The following NOS1AP variants were observed in gnomAD, a reference collection of about 807,000 sequenced individuals.
NOS1AP encodes the protein nitric oxide synthase 1 adaptor protein, also known as carboxyl-terminal PDZ ligand of neuronal nitric oxide synthase protein.
NOS1AP carries 21 observed loss-of-function variants against 56.2 expected under a neutral mutation model. The observed-to-expected ratio is 0.37, with a 90% CI of 0.26 to 0.54. The LOEUF is 0.54. NOS1AP is among the 20% of genes least tolerant of loss of function. NOS1AP has a pLI of 0.84. For missense variants in NOS1AP, 522 were observed against 657.8 expected (o/e 0.79, Z 2.26); for synonymous variants, 270 against 274.6 (o/e 0.98, Z 0.17).
At chr1:162,113,043 G>C (rs1305936229) in intron 1 of NOS1AP, among the ~76,000 whole-genome samples, 1 of 152,152 alleles carries the variant, frequency 6.6e-6, no homozygotes, top group African/African-American at 2.4e-5. Context: ...TCTCTGAATA[G>C]GTATATTAGG....
chr1:162,249,261 C>A (rs931272921), intron 2 of NOS1AP, among the ~76,000 whole-genome samples: 3 of 152,122 alleles, frequency 2.0e-5, no homozygotes, highest in Non-Finnish European at 4.4e-5. Flanking sequence ...GCACCAGATA[C>A]CCTGCAGATT....
At chr1:162,130,218 T>C (rs1056389666) in intron 1 of NOS1AP, among the ~76,000 whole-genome samples, 2 of 152,232 alleles carry the variant, frequency 1.3e-5, no homozygotes, top group Non-Finnish European at 2.9e-5. Context: ...TTGCATCTTC[T>C]TCATTTTGCA....
intron 2 of NOS1AP, among the ~76,000 whole-genome samples, chr1:162,236,468 A>G (rs551512579): frequency 6.6e-6 from 1 of 152,352 alleles, no homozygotes; most frequent in African/African-American, 2.4e-5. Context: ...CAGTGTGTCC[A>G]GGGATACCCA....
intron 9 of NOS1AP, among the ~76,000 whole-genome samples, chr1:162,366,254 C>T (rs1162839226): frequency 6.6e-6 from 1 of 152,080 alleles, no homozygotes; most frequent in African/African-American, 2.4e-5. Context: ...GGGCTGTGGA[C>T]CAGCAAATAG....
chr1:162,132,366 G>C (rs1271700289), intron 1 of NOS1AP, among the ~76,000 whole-genome samples: 2 of 152,216 alleles, frequency 1.3e-5, no homozygotes, highest in Admixed American at 1.3e-4. Context: ...CATCTGGAGA[G>C]ATTAGAGTAG....
At chr1:162,106,988 G>A (rs1647536138) in intron 1 of NOS1AP, among the ~76,000 whole-genome samples, 1 of 146,676 alleles carries the variant, frequency 6.8e-6, no homozygotes, top group Non-Finnish European at 1.5e-5. Flanking sequence ...ATTTGTAGTA[G>A]CAAAAAGCTG....
intron 2 of NOS1AP, among the ~76,000 whole-genome samples, chr1:162,172,809 A>G (rs1220367005): frequency 6.6e-6 from 1 of 152,228 alleles, no homozygotes; most frequent in Non-Finnish European, 1.5e-5. Flanking sequence ...AATCATTTAA[A>G]TAACTATGCT....
At chr1:162,126,388 G>A (rs1648488319) in intron 1 of NOS1AP, among the ~76,000 whole-genome samples, 1 of 152,110 alleles carries the variant, frequency 6.6e-6, no homozygotes, top group Non-Finnish European at 1.5e-5. Context: ...TTTAGATTCA[G>A]GGTTAGCATT....
chr1:162,367,262 C>G lies in NOS1AP; in HGVS notation c.1316C>G (p.Thr439Ser). Residue 439 changes from threonine (T) to serine (S), a missense_variant, in exon 10 of 10, where the codon ACC (threonine) becomes AGC (serine). Thr to Ser is a moderately conservative substitution (Grantham distance 58, BLOSUM62 1). Around this residue, in one of 4 missense-constraint regions of NOS1AP, gnomAD observed 160 missense variants for 180.3 expected, o/e 0.89. Coordinates refer to ENST00000361897, the MANE Select transcript of NOS1AP (RefSeq NM_014697.3). This position sits in a 1 kb window ranked among gnomAD's most constrained non-coding sequence, Gnocchi z 6.5. Reference sequence around the variant, plus strand: ...TTTCGCTTTCTTCCGCCCGAGGACACCCCGCCCCCAGCGCAGGGCGAGGCG... The same window carrying G: ...TTTCGCTTTCTTCCGCCCGAGGACAGCCCGCCCCCAGCGCAGGGCGAGGCG... ...ECFRFLPPEDTPPPAQGEALL... is the reference protein window; with the variant it reads ...ECFRFLPPEDSPPPAQGEALL... 6.2e-7 allele frequency: 1 copy of G among 1,613,686 alleles called. No individual in the cohort carries two copies. The highest frequency in any genetic ancestry group is 1.1e-5 in the South Asian group (1 of 91,084).
intron 6 of NOS1AP, among the ~76,000 whole-genome samples, chr1:162,347,648 A>C (rs1359976718): frequency 1.3e-5 from 2 of 152,158 alleles, no homozygotes; most frequent in South Asian, 2.1e-4. Flanking sequence ...CTCTCCTTGC[A>C]CTTCTGGCCC....
rs149067095 is a variant in NOS1AP at position 162,238,123 on chromosome 1, G to T, written c.178-49221G>T. 7.9e-5 allele frequency among the ~76,000 whole-genome samples: 12 copies of T among 152,194 alleles called. No individual in the cohort carries two copies. The East Asian group carries it at 2.3e-3, about 29-fold the overall frequency. ...ATGAGAGCATCATTTACAGTATGGTGCAGTGCTTTAACCTGATAGCCCTGC... is the reference window on the plus strand; with the variant it reads ...ATGAGAGCATCATTTACAGTATGGTTCAGTGCTTTAACCTGATAGCCCTGC... On this transcript the variant is annotated intron_variant, in intron 2 of 9. Transcript: ENST00000361897.
At chr1:162,335,990 A>AGTTGTAT (rs1329943014) in intron 5 of NOS1AP, among the ~76,000 whole-genome samples, 3 of 151,814 alleles carry the variant, frequency 2.0e-5, no homozygotes, top group African/African-American at 7.3e-5. Context: ...TGTGGCTCCC[A>AGTTGTAT]CCTTGGGAGT....
At position 162,344,445 on chromosome 1, in the gene NOS1AP, T is replaced by C. The variant is rs118006956; in HGVS notation, c.595+469T>C. Among the ~76,000 whole-genome samples the C allele has an allele frequency of 1.8e-3, 266 of 151,976 alleles. 3 individuals are homozygous for C. The East Asian group carries it at 0.038, about 22-fold the overall frequency. ...CGCAGTGTCTCAAGTCTGTTAATCCTAGCACTTTGGGAGGCTGAGATGAGC... is the reference window on the plus strand; with the variant it reads ...CGCAGTGTCTCAAGTCTGTTAATCCCAGCACTTTGGGAGGCTGAGATGAGC... On this transcript the variant is annotated intron_variant, in intron 6 of 9. Coordinates refer to ENST00000361897, the MANE Select transcript of NOS1AP (RefSeq NM_014697.3).
At chr1:162,342,536 A>C (rs1461048854) in intron 5 of NOS1AP, 2 of 480,616 alleles carry the variant, frequency 4.2e-6, no homozygotes, top group Non-Finnish European at 8.7e-6. Context: ...GGTCCCTAGG[A>C]GTTCACAAAG....
intron 2 of NOS1AP, among the ~76,000 whole-genome samples, chr1:162,179,024 A>G (rs1485283587): frequency 6.6e-6 from 1 of 152,044 alleles, no homozygotes; most frequent in Non-Finnish European, 1.5e-5. Flanking sequence ...GGTTATGTAT[A>G]CTGTTTCTTT....
chr1:162,354,787 C>G (rs1657641772), intron 6 of NOS1AP, among the ~76,000 whole-genome samples: 1 of 152,214 alleles, frequency 6.6e-6, no homozygotes, highest in Non-Finnish European at 1.5e-5. Flanking sequence ...TCTTGTCCAG[C>G]AGTTTATTGG....
intron 1 of NOS1AP, among the ~76,000 whole-genome samples, chr1:162,128,521 G>A (rs1648589366): frequency 6.6e-6 from 1 of 151,958 alleles, no homozygotes; most frequent in Admixed American, 6.6e-5. Context: ...AATATTCAAT[G>A]TTATATTAAA....
chr1:162,367,411 A>G lies in NOS1AP; in HGVS notation c.1465A>G (p.Asn489Asp). The G allele has an allele frequency of 6.3e-7, 1 of 1,594,714 alleles. No homozygotes were observed. Residue 489 changes from asparagine to aspartate, a missense_variant, in exon 10 of 10, where the codon AAT (asparagine) becomes GAT (aspartate). Transcript: ENST00000361897. The surrounding 1 kb of genome is among the most constrained non-coding windows in gnomAD (Gnocchi z 6.5). Reference protein sequence around the residue: ...WSQEELPRLLNVLQRQELGDG... With the variant: ...WSQEELPRLLDVLQRQELGDG... ...CCAGGAGGAGCTGCCGCGCCTGCTG[A>G]ATGTCCTGCAGAGGCAGGAACTGGG... is the stretch of plus-strand genomic sequence containing the variant.
At chr1:162,346,812 G>A (rs537969834) in intron 6 of NOS1AP, among the ~76,000 whole-genome samples, 35 of 152,296 alleles carry the variant, frequency 2.3e-4, no homozygotes, top group Non-Finnish European at 4.6e-4. Context: ...TTTCTATTAA[G>A]TAGTGACATT....
Sources: allele counts gnomAD v4.1 joint callset (sites outside exome capture counted in the v4.1 genomes callset), GRCh38; gene constraint gnomAD v4.1.1; regional missense constraint gnomAD v4.1.1; non-coding constraint Gnocchi (gnomAD v3.1); transcripts MANE v1.5; gene names NCBI Gene and HGNC (gene_info 2026-07-23, HGNC 2026-07-21).